Variants in EEA1 observed in about 807,000 individuals in gnomAD.
EEA1 encodes the protein early endosome antigen 1.
Under a neutral mutation model 209.2 loss-of-function variants are expected in EEA1, and 111 were observed. The ratio of observed to expected loss-of-function variants is 0.53; its 90% CI spans 0.45 to 0.62. EEA1 has a LOEUF of 0.62. Among genes scored for constraint, EEA1 ranks in the 20% least tolerant of loss-of-function variants. EEA1 has a pLI of 0.00. For missense variants in EEA1, 1,343 were observed against 1,530.8 expected, an observed-to-expected ratio of 0.88 and a Z score of 2.05; for synonymous variants, 536 against 540.6, an observed-to-expected ratio of 0.99 and a Z score of 0.12.
intron 15 of EEA1, among the ~76,000 whole-genome samples, chr12:92,815,858 C>A (rs1372159682): frequency 6.6e-6 from 1 of 151,768 alleles, no homozygotes; most frequent in East Asian, 1.9e-4. Context: ...CAAGGAAAAT[C>A]TAAAAGATTT....
intron 1 of EEA1, among the ~76,000 whole-genome samples, chr12:92,912,744 G>C (rs2264421): frequency 6.6e-6 from 1 of 151,682 alleles, no homozygotes; most frequent in Non-Finnish European, 1.5e-5. Flanking sequence ...CCATCTTTAC[G>C]TCTATCTGTA....
At chr12:92,801,098 A>T (rs931159601) in intron 20 of EEA1, among the ~76,000 whole-genome samples, 4 of 152,180 alleles carry the variant, frequency 2.6e-5, no homozygotes, top group African/African-American at 4.8e-5. Context: ...TTTGCTGGAA[A>T]CAATAGAAGC....
At chr12:92,926,622 G>A (rs189724183) in intron 1 of EEA1, among the ~76,000 whole-genome samples, 18 of 152,174 alleles carry the variant, frequency 1.2e-4, no homozygotes, top group South Asian at 8.3e-4. Flanking sequence ...GGACTCTTAC[G>A]TCCTCTCACA....
chr12:92,808,505 T>C (rs1875324986), intron 18 of EEA1, among the ~76,000 whole-genome samples: 1 of 150,320 alleles, frequency 6.7e-6, no homozygotes, highest in Admixed American at 6.7e-5. Context: ...CTTTTTGAGA[T>C]AGAGTATCAC....
intron 1 of EEA1, among the ~76,000 whole-genome samples, chr12:92,922,523 A>C (rs1881046574): frequency 6.6e-6 from 1 of 152,224 alleles, no homozygotes; most frequent in Non-Finnish European, 1.5e-5. Flanking sequence ...TAAGAACGAC[A>C]ACAACTTTCT....
At chr12:92,787,706 A>T (rs1874193219) in intron 22 of EEA1, among the ~76,000 whole-genome samples, 161 bp downstream of exon 22, 1 of 152,152 alleles carries the variant, frequency 6.6e-6, no homozygotes, top group East Asian at 1.9e-4. Flanking sequence ...CATTTTAAAC[A>T]ATTTTTTAAA....
intron 2 of EEA1, chr12:92,879,447 T>G (rs760589807): frequency 2.4e-5 from 9 of 380,114 alleles, no homozygotes; most frequent in Non-Finnish European, 4.6e-5. Flanking sequence ...AAAATCAATG[T>G]AAATCTTCAC....
At chr12:92,926,355 A>G (rs1881215201) in intron 1 of EEA1, among the ~76,000 whole-genome samples, 1 of 152,232 alleles carries the variant, frequency 6.6e-6, no homozygotes. Flanking sequence ...AATTAACAAT[A>G]GCTTTAATCT....
chr12:92,801,562 T>A (rs368844623), intron 20 of EEA1, 38 bp downstream of exon 20: 7 of 1,351,356 alleles, frequency 5.2e-6, no homozygotes, highest in Non-Finnish European at 7.2e-6. Context: ...GACCTTACTA[T>A]ACTTTACAGA....
At chr12:92,806,883 G>A (rs1385508641) in intron 18 of EEA1, among the ~76,000 whole-genome samples, 4 of 151,262 alleles carry the variant, frequency 2.6e-5, no homozygotes, top group Admixed American at 2.6e-4. Flanking sequence ...CACATCAACA[G>A]ATACAGGAAA....
intron 18 of EEA1, among the ~76,000 whole-genome samples, chr12:92,804,269 A>G (rs896440895): frequency 2.0e-5 from 3 of 152,126 alleles, no homozygotes; most frequent in African/African-American, 7.2e-5. Flanking sequence ...TCTGACCACA[A>G]TAAAATTAAA....
intron 2 of EEA1, among the ~76,000 whole-genome samples, chr12:92,870,547 C>T (rs923436850): frequency 2.6e-5 from 4 of 152,158 alleles, no homozygotes; most frequent in Non-Finnish European, 5.9e-5. Context: ...ATTCTGTCAC[C>T]TTCCTCAAGT....
chr12:92,916,236 A>G (rs1489537539), intron 1 of EEA1, among the ~76,000 whole-genome samples: 1 of 152,196 alleles, frequency 6.6e-6, no homozygotes, highest in Non-Finnish European at 1.5e-5. Context: ...GCTTTAAAGA[A>G]GAAGCCACTT....
intron 2 of EEA1, among the ~76,000 whole-genome samples, chr12:92,870,956 A>C (rs1878616082): frequency 6.6e-6 from 1 of 152,052 alleles, no homozygotes; most frequent in Non-Finnish European, 1.5e-5. Flanking sequence ...TGATCTGCCC[A>C]CCTCAGCCTC....
rs981534675 is a variant in EEA1, at chr12:92,773,381, A to C, written c.*2630T>G. ...TACTGTCAGGAAACTATTAAAGTAG[A>C]TAATTCCACATTAAGAGGTAGTTGA... On this transcript the variant is annotated 3_prime_UTR_variant, in exon 29 of 29. Coordinates refer to ENST00000322349, the MANE Select transcript of EEA1 (RefSeq NM_003566.4). 6.6e-6 allele frequency: 1 copy of C among 152,208 alleles called. No homozygotes were observed. The highest frequency in any genetic ancestry group is 1.5e-5 in the Non-Finnish European group (1 of 67,710). 9.4% of individuals were successfully genotyped at this position (152,208 alleles called of 1,614,324 possible).
At chr12:92,779,330 C>A in intron 24 of EEA1, 30 bp from the exon 25 acceptor site, 1 of 1,554,902 alleles carries the variant, frequency 6.4e-7, no homozygotes, top group South Asian at 1.2e-5. Flanking sequence ...AAAAATAAAT[C>A]ATCCTTCATA....
At chr12:92,886,713 GA>G (rs1879421827) in intron 2 of EEA1, among the ~76,000 whole-genome samples, 2 of 151,764 alleles carry the variant, frequency 1.3e-5, no homozygotes, top group Non-Finnish European at 2.9e-5. Context: ...AAAAGAAAAA[GA>G]AAAGCCAGTC....
chr12:92,877,268 T>C (rs2136738051), intron 2 of EEA1, among the ~76,000 whole-genome samples: 1 of 151,820 alleles, frequency 6.6e-6, no homozygotes, highest in South Asian at 2.1e-4. Flanking sequence ...TGAGCCACCA[T>C]TCCTGGCCTA....
At chr12:92,878,264 C>T (rs760594903) in intron 2 of EEA1, among the ~76,000 whole-genome samples, 2 of 152,010 alleles carry the variant, frequency 1.3e-5, no homozygotes, top group South Asian at 4.2e-4. Flanking sequence ...AATTTCCATA[C>T]AGCTACCTTT....
Sources: gnomAD v4.1 joint callset for allele counts (sites outside exome capture counted in the v4.1 genomes callset) on GRCh38, gnomAD v4.1.1 for gene constraint, MANE v1.5 for transcripts, NCBI Gene and HGNC (gene_info 2026-07-23, HGNC 2026-07-21) for gene names.